MCCC2: variants seen among roughly 807,000 people sequenced by gnomAD.
MCCC2 encodes the protein methylcrotonyl-CoA carboxylase subunit 2, also known as methylcrotonoyl-CoA carboxylase beta chain, mitochondrial.
MCCC2 carries 52 observed loss-of-function variants against 77.2 expected under a neutral mutation model. That is an observed-to-expected ratio of 0.67 (90% CI 0.54 to 0.85). The LOEUF is 0.85. Ranked by LOEUF, MCCC2 falls within the 40% of genes least tolerant of loss-of-function variation. The pLI, the probability that MCCC2 is intolerant of heterozygous loss-of-function variation, is 0.00. For missense variants in MCCC2, 682 were observed against 703.2 expected, an observed-to-expected ratio of 0.97 and a Z score of 0.34; for synonymous variants, 253 against 248.4, an observed-to-expected ratio of 1.02 and a Z score of -0.18.
chr5:71,635,422 A>G (rs1746882806), intron 10 of MCCC2, 176 bp downstream of exon 10: 1 of 708,592 alleles, frequency 1.4e-6, no homozygotes, highest in South Asian at 1.5e-5. Flanking sequence ...TATCATTGGC[A>G]CAGAGTAAAT....
Position 71,635,317 on chromosome 5 carries a change from G to T in MCCC2, c.999+71G>T, listed in dbSNP as rs1394940863. 2.2e-6 allele frequency: 3 copies of T among 1,367,626 alleles called. No individual in the cohort carries two copies. In the Admixed American group the frequency reaches 5.1e-5, roughly 23 times the overall value. The allele number at this position is 1,367,626 out of a possible 1,614,324, so 84.7% of individuals were successfully genotyped here. A position where few individuals can be genotyped will look rare whatever the true frequency, so the allele number is the denominator to read the frequency against. On this transcript the variant is annotated intron_variant, in intron 10 of 16. Coordinates refer to ENST00000340941, the MANE Select transcript of MCCC2 (RefSeq NM_022132.5). ...CTTTGTATGTGTATCTATTTGCAAA[G>T]CTAAAGTTTGTTAAGATATGTTCAT...
chr5:71,633,133 T>TATATATATATA (rs1561841506), intron 8 of MCCC2, among the ~76,000 whole-genome samples: 28 of 113,004 alleles, frequency 2.5e-4, no homozygotes, highest in African/African-American at 1.1e-3. Context: ...ATATATATAT[T>TATATATATATA]TTTATTTTTT....
At chr5:71,594,869 TAA>T (rs1348668236) in intron 2 of MCCC2, among the ~76,000 whole-genome samples, 1 of 150,814 alleles carries the variant, frequency 6.6e-6, no homozygotes, top group African/African-American at 2.4e-5. Flanking sequence ...ACAGAATTGC[TAA>T]AGAGTGATGT....
At chr5:71,615,051 C>G (rs904880869) in intron 6 of MCCC2, among the ~76,000 whole-genome samples, 4 of 152,140 alleles carry the variant, frequency 2.6e-5, no homozygotes, top group African/African-American at 7.2e-5. Context: ...ACTGCAACCT[C>G]CACCTCCTGG....
At chr5:71,589,319 C>T (rs1232232767) in intron 1 of MCCC2, among the ~76,000 whole-genome samples, 1 of 152,216 alleles carries the variant, frequency 6.6e-6, no homozygotes, top group Non-Finnish European at 1.5e-5. Flanking sequence ...CTCAGTAACT[C>T]ACAACAGTAA....
At position 71,602,577 on chromosome 5, in the gene MCCC2, A is replaced by C. The variant is rs1554134065; in HGVS notation, c.455A>C (p.Lys152Thr). ...GGAYYPVTVK[K>T]QLRAQEIAMQ... ...GCCTACTACCCAGTGACTGTGAAAAAACAATTACGGGCCCAAGAAATTGCC... is the reference window on the plus strand; with the variant it reads ...GCCTACTACCCAGTGACTGTGAAAACACAATTACGGGCCCAAGAAATTGCC... The change falls in exon 5 of 17, where the codon AAA becomes ACA. Residue 152 changes from lysine to threonine, a missense_variant. Transcript: ENST00000340941. 3 of 1,614,184 alleles carry C rather than the reference A, an allele frequency of 1.9e-6. No individual in the cohort carries two copies. Among genetic ancestry groups the C allele is most frequent in the Non-Finnish European group, 1.7e-6 (2 of 1,180,036 alleles).
In MCCC2 at chr5:71,652,762, C is replaced by T. The variant is rs1482690189; in HGVS notation, c.1574+8C>T. The T allele has an allele frequency of 6.2e-7, 1 of 1,612,030 alleles. No homozygotes were observed. Among genetic ancestry groups the T allele is most frequent in the African/African-American group, 1.3e-5 (1 of 74,968 alleles). ...TTACTATTCCAGCGCAAGGTGGGGG[C>T]CAGAACATCACTAACTCTCTGATGG... On this transcript the variant is annotated splice_region_variant and intron_variant, in intron 16 of 16. Coordinates refer to ENST00000340941, the MANE Select transcript of MCCC2 (RefSeq NM_022132.5).
At chr5:71,648,493 T>G (rs898399399) in intron 13 of MCCC2, among the ~76,000 whole-genome samples, 1 of 152,126 alleles carries the variant, frequency 6.6e-6, no homozygotes, top group Non-Finnish European at 1.5e-5. Context: ...CTATGAAACA[T>G]TCATCTTTAT....
At chr5:71,622,029 C>T (rs904387593) in intron 6 of MCCC2, among the ~76,000 whole-genome samples, 4 of 152,088 alleles carry the variant, frequency 2.6e-5, no homozygotes, top group African/African-American at 7.2e-5. Context: ...TGCCTGTAAT[C>T]CCAGCACTTT....
rs114584141 is a variant in MCCC2 at position 71,596,420 on chromosome 5, T to G, written c.281+56T>G. On this transcript the variant is annotated intron_variant, in intron 3 of 16. Coordinates refer to ENST00000340941, the MANE Select transcript of MCCC2 (RefSeq NM_022132.5). ...TGTTCTCTGTTCCATAGTACTTTAT[T>G]AGACAGTCTTGTAAATCAGTTATTT... The G allele has an allele frequency of 1.7e-3, 2,356 of 1,407,008 alleles. 6 individuals carry two copies. The highest frequency in any genetic ancestry group is 2.0e-3 in the Non-Finnish European group (1,973 of 991,686). 87.2% of individuals were successfully genotyped at this position (1,407,008 alleles called of 1,614,324 possible).
At chr5:71,604,253 TG>T (rs752176690) in intron 5 of MCCC2, 102 bp from the exon 6 acceptor site, 27 of 1,013,042 alleles carry the variant, frequency 2.7e-5, no homozygotes, top group Non-Finnish European at 3.7e-5. Flanking sequence ...GCAAGTTTTT[TG>T]TGAATGTGAT....
Position 71,658,028 on chromosome 5 carries a change from C to T in MCCC2, c.*1168C>T, listed in dbSNP as rs1747629627. ...TATCGCAGGCCTTAGAAGAGGTCTACCTGCCTCCAGTCTTACCTAGTCCAG... is the reference window on the plus strand; with the variant it reads ...TATCGCAGGCCTTAGAAGAGGTCTATCTGCCTCCAGTCTTACCTAGTCCAG... On this transcript the variant is annotated 3_prime_UTR_variant, in exon 17 of 17. Transcript: ENST00000340941. The T allele has an allele frequency of 6.6e-6, 1 of 152,170 alleles. No individual in the cohort carries two copies. The highest frequency in any genetic ancestry group is 2.4e-5 in the African/African-American group (1 of 41,428). The allele number at this position is 152,170 out of a possible 1,614,324, so 9.4% of individuals were successfully genotyped here.
chr5:71,606,429 T>A lies in MCCC2; in HGVS notation c.624+1961T>A, dbSNP rs551057750. 2.7e-4 allele frequency among the ~76,000 whole-genome samples: 41 copies of A among 152,108 alleles called. 1 individual carries two copies. The highest frequency in any genetic ancestry group is 9.9e-4 in the African/African-American group (41 of 41,490). On this transcript the variant is annotated intron_variant, in intron 6 of 16. Transcript: ENST00000340941. ...GTGATTTTTGTACATTGATTTTGTA[T>A]CCTGAGACTTTGCTGAAGTTGCTTA...
intron 10 of MCCC2, among the ~76,000 whole-genome samples, chr5:71,639,399 T>TA: frequency 6.9e-6 from 1 of 144,468 alleles, no homozygotes. Context: ...TACAAATGGC[T>TA]TTTTTTTTTT....
At position 71,649,248 on chromosome 5, in the gene MCCC2, A is replaced by T. The variant is rs10064079; in HGVS notation, c.1368A>T (p.Ala456=). The change falls in exon 14 of 17, where the codon GCA becomes GCT. Residue 456 remains alanine, a synonymous_variant. Transcript: ENST00000340941. ...GAGNYGMCGR[A]YSPRFLYIWP... is the part of the protein sequence containing the mutation. ...GAAACTATGGGATGTGTGGCAGAGC[A>T]TATAGGTAGGTGTCATGATTTTCTC... is the stretch of plus-strand genomic sequence containing the variant. The T allele has an allele frequency of 3.1e-6, 5 of 1,613,716 alleles. No homozygotes were observed. The highest frequency in any genetic ancestry group is 4.2e-6 in the Non-Finnish European group (5 of 1,179,624).
chr5:71,633,104 TATATATATATA>T (rs1746780998), intron 8 of MCCC2, among the ~76,000 whole-genome samples: 7 of 20,918 alleles, frequency 3.3e-4, no homozygotes, highest in Non-Finnish European at 6.9e-4. Flanking sequence ...TATATATATA[TATATATATATA>T]TATATATATA....
intron 7 of MCCC2, among the ~76,000 whole-genome samples, chr5:71,628,461 C>T (rs1746608229): frequency 6.6e-6 from 1 of 152,130 alleles, no homozygotes; most frequent in Non-Finnish European, 1.5e-5. Context: ...TTGCCTAACC[C>T]AAGGTCATGA....
chr5:71,632,114 G>A lies in MCCC2; in HGVS notation c.739-7G>A, dbSNP rs765082065. 6.2e-7 allele frequency: 1 copy of A among 1,613,954 alleles called. No homozygotes were observed. Among genetic ancestry groups the A allele is most frequent in the South Asian group, 1.1e-5 (1 of 91,076 alleles). ...GATTTCACTGATGATTTTTATCCTT[G>A]TTGTAGGTTAAAGCGGCAACTGGGG... On this transcript the variant is annotated splice_region_variant and splice_polypyrimidine_tract_variant and intron_variant, in intron 7 of 16. Coordinates refer to ENST00000340941, the MANE Select transcript of MCCC2 (RefSeq NM_022132.5).
intron 2 of MCCC2, among the ~76,000 whole-genome samples, chr5:71,594,414 C>G (rs576716835): frequency 6.6e-6 from 1 of 151,936 alleles, no homozygotes; most frequent in Admixed American, 6.6e-5. Flanking sequence ...TGTAATCCCA[C>G]CTACTCGGGA....
Sources: gnomAD v4.1 joint callset for allele counts (sites outside exome capture counted in the v4.1 genomes callset) on GRCh38, gnomAD v4.1.1 for gene constraint, MANE v1.5 for transcripts, NCBI Gene and HGNC (gene_info 2026-07-23, HGNC 2026-07-21) for gene names.